Variants in DDX31 observed in about 807,000 individuals in gnomAD.
DDX31 encodes ATP-dependent DNA helicase DDX31.
In DDX31, 70 loss-of-function variants were observed where a neutral mutation model predicts 91.3. That is an observed-to-expected ratio of 0.77 (90% CI 0.63 to 0.94). DDX31 has a LOEUF of 0.94. DDX31 is among the 40% of genes least tolerant of loss of function. The pLI is 0.00. For missense variants in DDX31, 902 were observed against 925.0 expected (o/e 0.98, Z 0.32); for synonymous variants, 362 against 350.6 (o/e 1.03, Z -0.36).
intron 14 of DDX31, 65 bp from the exon 15 acceptor site, chr9:132,632,156 G>C: frequency 6.8e-7 from 1 of 1,476,974 alleles, no homozygotes; most frequent in Non-Finnish European, 9.2e-7. Context: ...TCCTGGATAT[G>C]TTTGATAATT....
chr9:132,608,180 A>C (rs1316989574), intron 19 of DDX31, among the ~76,000 whole-genome samples: 2 of 152,182 alleles, frequency 1.3e-5, no homozygotes, highest in East Asian at 3.8e-4. Flanking sequence ...GGGGCCATTC[A>C]ATATTTTACC....
chr9:132,669,792 T>G (rs756379537), intron 1 of DDX31, 68 bp downstream of exon 1: 7 of 1,521,094 alleles, frequency 4.6e-6, no homozygotes, highest in Non-Finnish European at 6.2e-6. Context: ...AAGGCACGGC[T>G]GCAGCTCGCG....
intron 19 of DDX31, among the ~76,000 whole-genome samples, chr9:132,610,622 C>T (rs1468215495): frequency 1.3e-5 from 2 of 149,154 alleles, no homozygotes; most frequent in Non-Finnish European, 3.0e-5. Context: ...AGCATATTCA[C>T]AAGTCACCTC....
chr9:132,602,614 A>T (rs1830780809), intron 19 of DDX31, among the ~76,000 whole-genome samples: 1 of 152,182 alleles, frequency 6.6e-6, no homozygotes, highest in South Asian at 2.1e-4. Flanking sequence ...GTTAGATCCA[A>T]ATCTTGCTTA....
chr9:132,598,631 A>T (rs1830568073), intron 19 of DDX31, among the ~76,000 whole-genome samples: 1 of 152,218 alleles, frequency 6.6e-6, no homozygotes, highest in Non-Finnish European at 1.5e-5. Flanking sequence ...CCTTCTCCCA[A>T]CTTTATCATT....
intron 3 of DDX31, among the ~76,000 whole-genome samples, chr9:132,661,502 G>C (rs1490424935): frequency 1.3e-5 from 2 of 152,054 alleles, no homozygotes; most frequent in Non-Finnish European, 2.9e-5. Flanking sequence ...GCATCTAGTG[G>C]GTAGAGGCCT....
intron 1 of DDX31, among the ~76,000 whole-genome samples, chr9:132,664,220 TTAACACA>T (rs1835164037): frequency 6.6e-6 from 1 of 152,248 alleles, no homozygotes; most frequent in Admixed American, 6.5e-5. Flanking sequence ...TTACTTCCTC[TTAACACA>T]TAACATTCCT....
intron 18 of DDX31, among the ~76,000 whole-genome samples, chr9:132,614,117 A>T (rs1296849119): frequency 6.6e-6 from 1 of 152,170 alleles, no homozygotes; most frequent in Non-Finnish European, 1.5e-5. Context: ...CAGCACCTGG[A>T]GATTGGCGTT....
At chr9:132,624,819 A>T (rs1399192717) in intron 17 of DDX31, among the ~76,000 whole-genome samples, 1 of 152,250 alleles carries the variant, frequency 6.6e-6, no homozygotes, top group Non-Finnish European at 1.5e-5. Flanking sequence ...AAGAGAATTT[A>T]AGTCAGGCTC....
chr9:132,634,863 G>A (rs994339849), intron 14 of DDX31, among the ~76,000 whole-genome samples: 1 of 152,072 alleles, frequency 6.6e-6, no homozygotes, highest in Admixed American at 6.5e-5. Flanking sequence ...GAGCCACCAC[G>A]CCTTAAGATG....
intron 16 of DDX31, among the ~76,000 whole-genome samples, chr9:132,627,992 G>A (rs780044902): frequency 6.6e-6 from 1 of 152,148 alleles, no homozygotes. Context: ...TTCCCACTGC[G>A]CACTTTGCAA....
At chr9:132,646,464 G>A (rs999283924) in intron 12 of DDX31, among the ~76,000 whole-genome samples, 13 of 152,090 alleles carry the variant, frequency 8.5e-5, no homozygotes, top group African/African-American at 2.4e-4. Flanking sequence ...CAGAGTCAGC[G>A]CAGAAATCTA....
chr9:132,632,270 A>AGTCCTG (rs747074631), intron 14 of DDX31, among the ~76,000 whole-genome samples, 179 bp from the exon 15 acceptor site: 3 of 145,646 alleles, frequency 2.1e-5, no homozygotes, highest in Non-Finnish European at 3.0e-5. Context: ...ACACACACAC[A>AGTCCTG]CACACACACA....
chr9:132,596,860 G>T (rs1021119991), intron 19 of DDX31, among the ~76,000 whole-genome samples: 2 of 152,150 alleles, frequency 1.3e-5, no homozygotes, highest in Admixed American at 1.3e-4. Flanking sequence ...GAGTGGTGAG[G>T]GGAGACAGCA....
At chr9:132,629,036 C>T (rs1020189962) in intron 16 of DDX31, among the ~76,000 whole-genome samples, 1 of 152,240 alleles carries the variant, frequency 6.6e-6, no homozygotes, top group Non-Finnish European at 1.5e-5. Flanking sequence ...TACACCCGCC[C>T]TGGTGGGTGT....
chr9:132,605,522 C>G (rs141873662), intron 19 of DDX31, among the ~76,000 whole-genome samples: 154 of 152,288 alleles, frequency 1.0e-3, no homozygotes, highest in African/African-American at 3.5e-3. Context: ...AAATACGCAA[C>G]CTGCACGATG....
intron 17 of DDX31, among the ~76,000 whole-genome samples, chr9:132,619,683 T>TC (rs1313945908): frequency 6.6e-6 from 1 of 151,948 alleles, no homozygotes. Context: ...CAATACAAGG[T>TC]CCCCCTAAGG....
intron 1 of DDX31, chr9:132,669,553 G>A: frequency 6.9e-7 from 1 of 1,439,628 alleles, no homozygotes; most frequent in Non-Finnish European, 9.2e-7. Flanking sequence ...GACTTGCGCC[G>A]GAACTTCAGG....
chr9:132,609,389 G>A (rs1421249651), intron 19 of DDX31, among the ~76,000 whole-genome samples: 1 of 152,142 alleles, frequency 6.6e-6, no homozygotes, highest in Non-Finnish European at 1.5e-5. Context: ...GCAGGAGGCG[G>A]CAGGCTGCTC....
Sources: allele counts gnomAD v4.1 joint callset (sites outside exome capture counted in the v4.1 genomes callset), GRCh38; gene constraint gnomAD v4.1.1; transcripts MANE v1.5; gene names NCBI Gene and HGNC (gene_info 2026-07-23, HGNC 2026-07-21).